The following SFRP2 variants were observed in gnomAD, a reference collection of about 807,000 sequenced individuals.
SFRP2 encodes secreted frizzled-related protein 2.
A neutral mutation model predicts 26.0 loss-of-function variants in SFRP2; 16 were observed. That is an observed-to-expected ratio of 0.61 (90% CI 0.42 to 0.93). The LOEUF (loss-of-function observed/expected upper bound fraction) is 0.93, where lower values mean the gene tolerates loss of function less well. SFRP2 is among the 40% of genes least tolerant of loss of function. SFRP2 has a pLI of 0.00. For synonymous variants in SFRP2, 173 were observed against 167.3 expected (o/e 1.03, Z -0.26); for missense variants, 343 against 392.4 (o/e 0.87, Z 1.06).
rs1741266865 is a variant in SFRP2 at position 153,788,910 on chromosome 4, C to T, written c.-75G>A. On this transcript the variant is annotated 5_prime_UTR_variant, in exon 1 of 3. Coordinates refer to ENST00000274063, the MANE Select transcript of SFRP2 (RefSeq NM_003013.3). ...CGAGGCGGCCGGAGTTCGAGCTTGT[C>T]CCGGGCCCGCTCTCTTCGCTGGGTG... The T allele has an allele frequency of 1.4e-6, 2 of 1,448,480 alleles. No individual in the cohort carries two copies. Among genetic ancestry groups the T allele is most frequent in the Non-Finnish European group, 1.8e-6 (2 of 1,101,174 alleles). The allele number at this position is 1,448,480 out of a possible 1,614,324, so 89.7% of individuals were successfully genotyped here. A position where few individuals can be genotyped will look rare whatever the true frequency, so the allele number is the denominator to read the frequency against.
chr4:153,786,137 G>T (rs74895329), intron 1 of SFRP2, among the ~76,000 whole-genome samples, 193 bp from the exon 2 acceptor site: 2 of 152,118 alleles, frequency 1.3e-5, no homozygotes, highest in African/African-American at 2.4e-5. Flanking sequence ...ATTTTTTTGG[G>T]GGGGAGGGGT....
chr4:153,786,061 T>G, intron 1 of SFRP2, 117 bp from the exon 2 acceptor site: 1 of 516,430 alleles, frequency 1.9e-6, no homozygotes, highest in Non-Finnish European at 3.3e-6. Flanking sequence ...CTATTTAACC[T>G]CAGCTTCTGC....
At chr4:153,783,753 G>A (rs1487833053) in intron 2 of SFRP2, among the ~76,000 whole-genome samples, 1 of 152,158 alleles carries the variant, frequency 6.6e-6, no homozygotes, top group Non-Finnish European at 1.5e-5. Context: ...TTCTATGCTT[G>A]TTCCTCCTAC....
In SFRP2 at chr4:153,781,374, C is replaced by T. The variant is rs951321829; in HGVS notation, c.*77G>A. ...AGCAGCTAGGAGTGTGCTTGGGGAA[C>T]GGGAGCTGAGATCCCGGAGCAGAAA... On this transcript the variant is annotated 3_prime_UTR_variant, in exon 3 of 3. Coordinates refer to ENST00000274063, the MANE Select transcript of SFRP2 (RefSeq NM_003013.3). 43 of 1,365,458 alleles carry T rather than the reference C, an allele frequency of 3.1e-5. No individual in the cohort carries two copies. The Admixed American group carries it at 4.0e-4, about 13-fold the overall frequency. 84.6% of individuals were successfully genotyped at this position (1,365,458 alleles called of 1,614,324 possible).
In SFRP2 at chr4:153,788,803, G is replaced by GAGC. The variant is rs559360607; in HGVS notation, c.30_32dup (p.Leu11dup). On this transcript the variant is annotated inframe_insertion, in exon 1 of 3. Coordinates refer to ENST00000274063, the MANE Select transcript of SFRP2 (RefSeq NM_003013.3). ...CCAGGCAGCAGTGCGAGGCGAGGAAGAGCAGCAGCAGCGAGCCAGGGCCCT... is the reference window on the plus strand; with the variant it reads ...CCAGGCAGCAGTGCGAGGCGAGGAAGAGCAGCAGCAGCAGCGAGCCAGGGCCCT... 4,670 of 1,604,928 alleles carry GAGC rather than the reference G, an allele frequency of 2.9e-3. 6 individuals carry two copies. The highest frequency in any genetic ancestry group is 3.7e-3 in the Non-Finnish European group (4,393 of 1,179,502).
In SFRP2 at chr4:153,781,409, G is replaced by C. The variant is rs770504683; in HGVS notation, c.*42C>G. ...GATCCCGGAGCAGAAATGGTCAGCCGTGCTCTGGAGCAGGCCTGTCGGAGC... is the reference window on the plus strand; with the variant it reads ...GATCCCGGAGCAGAAATGGTCAGCCCTGCTCTGGAGCAGGCCTGTCGGAGC... On this transcript the variant is annotated 3_prime_UTR_variant, in exon 3 of 3. Coordinates refer to ENST00000274063, the MANE Select transcript of SFRP2 (RefSeq NM_003013.3). The C allele has an allele frequency of 6.4e-7, 1 of 1,564,918 alleles. No individual in the cohort carries two copies. Among genetic ancestry groups the C allele is most frequent in the Non-Finnish European group, 8.7e-7 (1 of 1,149,706 alleles).
intron 1 of SFRP2, among the ~76,000 whole-genome samples, chr4:153,787,335 C>A (rs540430881): frequency 2.6e-5 from 4 of 152,136 alleles, no homozygotes; most frequent in Admixed American, 1.3e-4. Context: ...AACTCATGGT[C>A]CCTGCCAGGA....
chr4:153,784,998 G>A (rs1365003707), intron 2 of SFRP2, among the ~76,000 whole-genome samples: 5 of 152,108 alleles, frequency 3.3e-5, no homozygotes, highest in Non-Finnish European at 7.3e-5. Flanking sequence ...TGAGGTGCTG[G>A]TAGAGTTCCA....
chr4:153,788,429 C>T lies in SFRP2; in HGVS notation c.407G>A (p.Trp136Ter). 2 of 1,614,158 alleles carry T rather than the reference C, an allele frequency of 1.2e-6. No individual in the cohort carries two copies. The highest frequency in any genetic ancestry group is 1.6e-4 in the Middle Eastern group (1 of 6,062). ...ACGGTCGCACTCAAGCATGTCGGGCCAGGGGAAGCCGAAGGCGGACATGAC... is the reference window on the plus strand; with the variant it reads ...ACGGTCGCACTCAAGCATGTCGGGCTAGGGGAAGCCGAAGGCGGACATGAC... ...APVMSAFGFP[W>*]PDMLECDRFP... The change falls in exon 1 of 3, where the codon TGG becomes TAG. Residue 136 changes from tryptophan (W) to a stop codon, truncating the protein, a stop_gained. Transcript: ENST00000274063. LOFTEE classifies it high-confidence loss of function.
chr4:153,788,383 A>G lies in SFRP2; in HGVS notation c.453T>C (p.Leu151=). Residue 151 remains leucine, a synonymous_variant, in exon 1 of 3, where the codon CTT becomes CTC. Coordinates refer to ENST00000274063, the MANE Select transcript of SFRP2 (RefSeq NM_003013.3). ...GGTCGCTGCTAGCGAGGGGGATGCAAAGGTCGTTGTCCTGGGGGAAACGGT... is the reference window on the plus strand; with the variant it reads ...GGTCGCTGCTAGCGAGGGGGATGCAGAGGTCGTTGTCCTGGGGGAAACGGT... ...ECDRFPQDND[L]CIPLASSDHL... 6.2e-7 allele frequency: 1 copy of G among 1,613,648 alleles called. No individual in the cohort carries two copies. Among genetic ancestry groups the G allele is most frequent in the South Asian group, 1.1e-5 (1 of 91,072 alleles).
rs570395250 is a variant in SFRP2, at chr4:153,788,958, G to A, written c.-123C>T. 8.2e-6 allele frequency: 10 copies of A among 1,220,242 alleles called. No homozygotes were observed. In the East Asian group the frequency reaches 2.8e-4, roughly 34 times the overall value. 75.6% of individuals were successfully genotyped at this position (1,220,242 alleles called of 1,614,324 possible). On this transcript the variant is annotated 5_prime_UTR_variant, in exon 1 of 3. Coordinates refer to ENST00000274063, the MANE Select transcript of SFRP2 (RefSeq NM_003013.3). Reference sequence around the variant, plus strand: ...GTGCGACTCGGGGCCCCGAAAAGCTGGCAGCCGGCGGCTGGGGCGCGGAGA... The same window carrying A: ...GTGCGACTCGGGGCCCCGAAAAGCTAGCAGCCGGCGGCTGGGGCGCGGAGA...
At chr4:153,782,966 C>A (rs184382734) in intron 2 of SFRP2, among the ~76,000 whole-genome samples, 3 of 150,420 alleles carry the variant, frequency 2.0e-5, no homozygotes, top group Non-Finnish European at 4.4e-5. Flanking sequence ...TTGCGTACAA[C>A]TGTTTTTGAG....
chr4:153,785,571 AAAAAG>A lies in SFRP2; in HGVS notation c.583+288_583+292del, dbSNP rs1257532413. ...CCTGTCGGCAAAAAAAAAAAAAAAAAAAAAGGGATTTAAAATGTGCCACTGGAAAT... is the reference window on the plus strand; with the variant it reads ...CCTGTCGGCAAAAAAAAAAAAAAAAAGGATTTAAAATGTGCCACTGGAAAT... On this transcript the variant is annotated intron_variant, in intron 2 of 2. Coordinates refer to ENST00000274063, the MANE Select transcript of SFRP2 (RefSeq NM_003013.3). Among the ~76,000 whole-genome samples the A allele has an allele frequency of 5.6e-3, 845 of 150,636 alleles. 31 individuals are homozygous for A. The highest frequency in any genetic ancestry group is 0.019 in the African/African-American group (786 of 40,806).
chr4:153,782,986 T>TC (rs1741147251), intron 2 of SFRP2, among the ~76,000 whole-genome samples: 1 of 152,036 alleles, frequency 6.6e-6, no homozygotes, highest in Non-Finnish European at 1.5e-5. Flanking sequence ...GATTTTCTTT[T>TC]TTTTTTTTTT....
chr4:153,782,854 C>T (rs936914242), intron 2 of SFRP2, among the ~76,000 whole-genome samples: 3 of 152,100 alleles, frequency 2.0e-5, no homozygotes, highest in Non-Finnish European at 4.4e-5. Context: ...CCCTGTGTGC[C>T]CCTGACAGCT....
At chr4:153,786,024 C>CAAACAACCT in intron 1 of SFRP2, 80 bp from the exon 2 acceptor site, 1 of 728,506 alleles carries the variant, frequency 1.4e-6, no homozygotes, top group East Asian at 3.1e-5. Context: ...CTCAAAGGGA[C>CAAACAACCT]TTATCCAGAC....
intron 1 of SFRP2, among the ~76,000 whole-genome samples, chr4:153,787,277 G>T (rs1379718440): frequency 2.6e-5 from 4 of 152,190 alleles, no homozygotes. Flanking sequence ...TTTGAAAAAT[G>T]CCAAACATTT....
intron 1 of SFRP2, 104 bp downstream of exon 1, chr4:153,788,230 A>G (rs755799503): frequency 8.8e-6 from 12 of 1,367,760 alleles, no homozygotes; most frequent in Non-Finnish European, 1.2e-5. Context: ...CCTTCCCGCT[A>G]CTGGCACCCC....
At chr4:153,786,645 T>C (rs1482509382) in intron 1 of SFRP2, among the ~76,000 whole-genome samples, 1 of 152,248 alleles carries the variant, frequency 6.6e-6, no homozygotes, top group Non-Finnish European at 1.5e-5. Flanking sequence ...ATTTCATTGT[T>C]ATCTGCAAGC....
Sources: gnomAD v4.1 joint callset for allele counts (sites outside exome capture counted in the v4.1 genomes callset) on GRCh38, gnomAD v4.1.1 for gene constraint, MANE v1.5 for transcripts, NCBI Gene and HGNC (gene_info 2026-07-23, HGNC 2026-07-21) for gene names.